The following MAN1A1 variants were observed in gnomAD, a reference collection of about 807,000 sequenced individuals.
The protein encoded by MAN1A1 is mannosyl-oligosaccharide 1,2-alpha-mannosidase IA.
MAN1A1 carries 29 observed loss-of-function variants against 70.8 expected under a neutral mutation model. The ratio of observed to expected loss-of-function variants is 0.41; its 90% CI spans 0.31 to 0.56. MAN1A1 has a LOEUF of 0.56. Ranked by LOEUF, MAN1A1 falls within the 20% of genes least tolerant of loss-of-function variation. The pLI is 0.29. For missense variants in MAN1A1, 747 were observed against 841.3 expected, an observed-to-expected ratio of 0.89 and a Z score of 1.39; for synonymous variants, 349 against 330.1, an observed-to-expected ratio of 1.06 and a Z score of -0.62.
chr6:119,226,946 G>A (rs1028962418), intron 6 of MAN1A1, among the ~76,000 whole-genome samples: 1 of 151,964 alleles, frequency 6.6e-6, no homozygotes, highest in African/African-American at 2.4e-5. Flanking sequence ...GCTGGGATTA[G>A]AGGCGTGAGC....
intron 7 of MAN1A1, 83 bp from the exon 8 acceptor site, chr6:119,201,430 G>A: frequency 1.2e-6 from 1 of 863,498 alleles, no homozygotes. Context: ...CATACAAGTT[G>A]ACTTAAATGA....
chr6:119,201,963 GTAAGTGAGTAA>G (rs1285461760), intron 7 of MAN1A1, among the ~76,000 whole-genome samples: 1 of 152,124 alleles, frequency 6.6e-6, no homozygotes, highest in Non-Finnish European at 1.5e-5. Context: ...GGATGAGTTA[GTAAGTGAGTAA>G]TAAGTGAATG....
intron 8 of MAN1A1, among the ~76,000 whole-genome samples, chr6:119,198,390 C>T (rs1227119759): frequency 6.6e-6 from 1 of 152,090 alleles, no homozygotes; most frequent in Non-Finnish European, 1.5e-5. Flanking sequence ...ACTCCCATCT[C>T]AAACAACAAA....
intron 2 of MAN1A1, among the ~76,000 whole-genome samples, chr6:119,335,767 G>A (rs1180169359): frequency 6.6e-6 from 1 of 152,202 alleles, no homozygotes; most frequent in Non-Finnish European, 1.5e-5. Flanking sequence ...AGTAAACAAG[G>A]TGAAATCCTA....
intron 6 of MAN1A1, among the ~76,000 whole-genome samples, chr6:119,245,144 G>C (rs901199613): frequency 6.6e-6 from 1 of 152,100 alleles, no homozygotes; most frequent in African/African-American, 2.4e-5. Context: ...TCTCTCCAGT[G>C]GTAATTCTTG....
In MAN1A1 at chr6:119,197,231, C is replaced by T. The variant is rs1310443757; in HGVS notation, c.1211-3339G>A. Reference sequence around the variant, plus strand: ...GGCTGATGCAGGAGAATCGCTTGAACCTGGCAGGTGGAGGGAGCTGAGACT... The same window carrying T: ...GGCTGATGCAGGAGAATCGCTTGAATCTGGCAGGTGGAGGGAGCTGAGACT... On this transcript the variant is annotated intron_variant, in intron 8 of 12. Coordinates refer to ENST00000368468, the MANE Select transcript of MAN1A1 (RefSeq NM_005907.4). 2.0e-5 allele frequency among the ~76,000 whole-genome samples: 3 copies of T among 151,550 alleles called. No homozygotes were observed. In the East Asian group the frequency reaches 5.8e-4, roughly 29 times the overall value.
At chr6:119,229,380 T>G (rs1317667528) in intron 6 of MAN1A1, among the ~76,000 whole-genome samples, 1 of 152,194 alleles carries the variant, frequency 6.6e-6, no homozygotes. Context: ...CTGAGAAGTT[T>G]ACAGTAATGA....
chr6:119,348,469 G>A lies in MAN1A1; in HGVS notation c.597C>T (p.Ile199=), dbSNP rs1422807591. The A allele has an allele frequency of 6.2e-7, 1 of 1,602,072 alleles. No homozygotes were observed. Among genetic ancestry groups the A allele is most frequent in the Non-Finnish European group, 8.5e-7 (1 of 1,173,940 alleles). The change falls in exon 2 of 13, where the codon ATC becomes ATT. Residue 199 remains isoleucine, a synonymous_variant. Transcript: ENST00000368468. ...TCTGGCGCGGCCCACTCACCTCTTT[G>A]ATCTTTGCCCTTTTCTCGCGGATGG... ...DAAIREKRAK[I]KEMMKHAWNN... is the part of the protein sequence containing the mutation.
At chr6:119,262,996 AG>A (rs1291225854) in intron 5 of MAN1A1, among the ~76,000 whole-genome samples, 1 of 152,188 alleles carries the variant, frequency 6.6e-6, no homozygotes, top group African/African-American at 2.4e-5. Context: ...TAAAGTAGGC[AG>A]AAAAACGTGA....
At chr6:119,295,733 C>G (rs1307119447) in intron 4 of MAN1A1, among the ~76,000 whole-genome samples, 3 of 152,136 alleles carry the variant, frequency 2.0e-5, no homozygotes, top group African/African-American at 7.2e-5. Context: ...GCTAGCTATT[C>G]CTCCAAACTC....
intron 5 of MAN1A1, among the ~76,000 whole-genome samples, chr6:119,254,843 C>T (rs771535522): frequency 6.0e-4 from 91 of 152,084 alleles, no homozygotes; most frequent in Admixed American, 5.5e-3. Context: ...ACAGTTCTTT[C>T]GAGCATGTAA....
chr6:119,217,679 C>T (rs1235200394), intron 6 of MAN1A1, among the ~76,000 whole-genome samples: 4 of 152,170 alleles, frequency 2.6e-5, no homozygotes, highest in African/African-American at 9.7e-5. Context: ...AAAATTTACA[C>T]AAGTAATGCA....
intron 6 of MAN1A1, among the ~76,000 whole-genome samples, chr6:119,247,335 C>A (rs1300480168): frequency 6.6e-6 from 1 of 152,118 alleles, no homozygotes; most frequent in Non-Finnish European, 1.5e-5. Flanking sequence ...ATTAATTAAT[C>A]TCTCTGTGAC....
At chr6:119,252,900 T>C (rs1775362543) in intron 5 of MAN1A1, among the ~76,000 whole-genome samples, 1 of 152,132 alleles carries the variant, frequency 6.6e-6, no homozygotes, top group Admixed American at 6.5e-5. Context: ...GACCAACCAT[T>C]GAAGCTGATC....
At chr6:119,295,115 T>C (rs763392) in intron 4 of MAN1A1, among the ~76,000 whole-genome samples, 58,608 of 151,978 alleles carry the variant, frequency 0.39, 11,798 homozygotes, top group African/African-American at 0.41. Context: ...AGAAAGGCTT[T>C]TTCTAAACCA....
chr6:119,229,721 T>C (rs1440400666), intron 6 of MAN1A1, among the ~76,000 whole-genome samples: 25 of 152,156 alleles, frequency 1.6e-4, no homozygotes, highest in Admixed American at 1.6e-3. Context: ...TGTTTTCAAC[T>C]CAGGCAATCC....
intron 2 of MAN1A1, among the ~76,000 whole-genome samples, chr6:119,335,913 T>C (rs992362891): frequency 2.0e-5 from 3 of 152,198 alleles, no homozygotes; most frequent in South Asian, 2.1e-4. Context: ...AGCTAAACAT[T>C]TGTGACTTCA....
At chr6:119,194,295 T>C (rs772536450) in intron 8 of MAN1A1, among the ~76,000 whole-genome samples, 3 of 152,194 alleles carry the variant, frequency 2.0e-5, no homozygotes, top group Admixed American at 6.5e-5. Context: ...AGAAGGTGGT[T>C]TGTAATAAAT....
At chr6:119,277,362 T>A (rs1209820571) in intron 5 of MAN1A1, among the ~76,000 whole-genome samples, 1 of 152,122 alleles carries the variant, frequency 6.6e-6, no homozygotes, top group East Asian at 1.9e-4. Flanking sequence ...ACATAAACCA[T>A]AAATCTACAT....
Sources: allele counts gnomAD v4.1 joint callset (sites outside exome capture counted in the v4.1 genomes callset), GRCh38; gene constraint gnomAD v4.1.1; transcripts MANE v1.5; gene names NCBI Gene and HGNC (gene_info 2026-07-23, HGNC 2026-07-21).